Variants in TLR2 observed in about 807,000 individuals in gnomAD.
TLR2 encodes toll like receptor 2, also known as toll-like receptor 2.
TLR2 carries 7 observed loss-of-function variants against 9.1 expected under a neutral mutation model. That is an observed-to-expected ratio of 0.77 (90% CI 0.44 to 1.44). The LOEUF is 1.44. TLR2 is among the 40% of genes most tolerant of loss of function. TLR2 has a pLI of 0.01. For synonymous variants in TLR2, 317 were observed against 344.6 expected (o/e 0.92, Z 0.89); for missense variants, 812 against 904.6 (o/e 0.90, Z 1.31).
chr4:153,708,371 C>A (rs1312555738), downstream of TLR2, among the ~76,000 whole-genome samples: 3 of 152,160 alleles, frequency 2.0e-5, no homozygotes, highest in African/African-American at 7.2e-5. Context: ...AATGTGAAGT[C>A]TTTTATTTGT....
At chr4:153,697,443 GAGAA>G (rs1736582665) in intron 2 of TLR2, among the ~76,000 whole-genome samples, 1 of 152,084 alleles carries the variant, frequency 6.6e-6, no homozygotes, top group Admixed American at 6.6e-5. Context: ...CTTATTAAAA[GAGAA>G]AGAGTTTCTA....
intron 2 of TLR2, chr4:153,688,616 G>A (rs1162378391): frequency 6.5e-6 from 1 of 152,870 alleles, no homozygotes; most frequent in Non-Finnish European, 1.5e-5. Context: ...GAAACAAAGG[G>A]ATAGGCTCTG....
chr4:153,700,555 GT>G (rs965735005), intron 2 of TLR2, among the ~76,000 whole-genome samples: 2 of 152,022 alleles, frequency 1.3e-5, no homozygotes, highest in East Asian at 1.9e-4. Context: ...AGTGGACTTT[GT>G]TTTTTTGAAA....
chr4:153,689,925 C>T (rs1735988276), intron 2 of TLR2, among the ~76,000 whole-genome samples: 1 of 152,188 alleles, frequency 6.6e-6, no homozygotes, highest in Non-Finnish European at 1.5e-5. Context: ...TTGGGTCCTC[C>T]TCAGCATCAG....
At position 153,704,344 on chromosome 4, in the gene TLR2, C is replaced by CA; in HGVS notation, c.1440dup (p.Glu481ArgfsTer8). ...TATTTTCTTTGAATTTGCCGCAACTCAAAGAACTTTATATTTCCAGAAATA... is the reference window on the plus strand; with the variant it reads ...TATTTTCTTTGAATTTGCCGCAACTCAAAAGAACTTTATATTTCCAGAAATA... On this transcript the variant is annotated frameshift_variant, in exon 3 of 3. Coordinates refer to ENST00000642700, the MANE Select transcript of TLR2 (RefSeq NM_001318789.2). LOFTEE classifies it low-confidence loss of function (END_TRUNC). 1 of 1,613,716 alleles carries CA rather than the reference C, an allele frequency of 6.2e-7. No homozygotes were observed. The highest frequency in any genetic ancestry group is 8.5e-7 in the Non-Finnish European group (1 of 1,179,954).
At chr4:153,698,650 A>G (rs1036692252) in intron 2 of TLR2, among the ~76,000 whole-genome samples, 1 of 152,206 alleles carries the variant, frequency 6.6e-6, no homozygotes. Context: ...GGTTTGTCAA[A>G]TCCACAATTT....
At position 153,705,429 on chromosome 4, in the gene TLR2, A is replaced by G. The variant is rs1737273317; in HGVS notation, c.*167A>G. On this transcript the variant is annotated 3_prime_UTR_variant, in exon 3 of 3. Coordinates refer to ENST00000642700, the MANE Select transcript of TLR2 (RefSeq NM_001318789.2). ...CAAATTTTGTCTGGGGTGCTGTTTT[A>G]TAAACATATGCCAGATTTAAAAATT... 5 of 701,636 alleles carry G rather than the reference A, an allele frequency of 7.1e-6. No homozygotes were observed. Among genetic ancestry groups the G allele is most frequent in the Non-Finnish European group, 1.1e-5 (5 of 453,180 alleles). 43.5% of individuals were successfully genotyped at this position (701,636 alleles called of 1,614,324 possible).
rs1427270680 is a variant in TLR2, at chr4:153,705,641, G to C, written c.*379G>C. ...GCATATAACCTGTGTACATTCTCCTGTATACTTTAAATCATCTCTAGATTA... is the reference window on the plus strand; with the variant it reads ...GCATATAACCTGTGTACATTCTCCTCTATACTTTAAATCATCTCTAGATTA... On this transcript the variant is annotated 3_prime_UTR_variant, in exon 3 of 3. Transcript: ENST00000642700. 1 of 172,204 alleles carries C rather than the reference G, an allele frequency of 5.8e-6. No homozygotes were observed. The highest frequency in any genetic ancestry group is 2.4e-5 in the African/African-American group (1 of 41,572). The allele number at this position is 172,204 out of a possible 1,614,324, so 10.7% of individuals were successfully genotyped here. A position where few individuals can be genotyped will look rare whatever the true frequency, so the allele number is the denominator to read the frequency against.
downstream of TLR2, among the ~76,000 whole-genome samples, chr4:153,708,740 C>G (rs1462018358): frequency 1.3e-5 from 2 of 152,058 alleles, no homozygotes; most frequent in African/African-American, 2.4e-5. Flanking sequence ...ATGTTTTCTC[C>G]CCTTTTCAGA....
intron 1 of TLR2, among the ~76,000 whole-genome samples, chr4:153,685,049 C>G (rs1474321228): frequency 6.9e-6 from 1 of 144,076 alleles, no homozygotes; most frequent in Non-Finnish European, 1.5e-5. Flanking sequence ...GGGAAAGGTT[C>G]CGTGCTCTGG....
chr4:153,704,445 C>G lies in TLR2; in HGVS notation c.1538C>G (p.Thr513Arg), dbSNP rs145961078. ...AAAATCAGTAGGAATGCAATAACTA[C>G]GTTTTCTAAGGAGCAACTTGACTCA... is the stretch of plus-strand genomic sequence containing the variant. ...VLKISRNAITTFSKEQLDSFH... is the reference protein window; with the variant it reads ...VLKISRNAITRFSKEQLDSFH... Residue 513 changes from threonine to arginine, a missense_variant, in exon 3 of 3, where the codon ACG becomes AGG. Thr to Arg is a moderately conservative substitution (Grantham distance 71). Transcript: ENST00000642700. 1.2e-6 allele frequency: 2 copies of G among 1,614,028 alleles called. No individual in the cohort carries two copies. Among genetic ancestry groups the G allele is most frequent in the South Asian group, 2.2e-5 (2 of 91,084 alleles).
intron 1 of TLR2, among the ~76,000 whole-genome samples, chr4:153,685,265 G>C (rs1735621709): frequency 6.6e-6 from 1 of 152,150 alleles, no homozygotes; most frequent in Admixed American, 6.5e-5. Flanking sequence ...CTATAAATAT[G>C]AACTTGTGTT....
chr4:153,704,698 T>A lies in TLR2; in HGVS notation c.1791T>A (p.Ala597=), dbSNP rs780487773. ...RTALVSGMCC[A]LFLLILLTGV... is the part of the protein sequence containing the mutation. Reference sequence around the variant, plus strand: ...CACTGGTGTCTGGCATGTGCTGTGCTCTGTTCCTGCTGATCCTGCTCACGG... The same window carrying A: ...CACTGGTGTCTGGCATGTGCTGTGCACTGTTCCTGCTGATCCTGCTCACGG... The change falls in exon 3 of 3, where the codon GCT becomes GCA. Residue 597 remains alanine (A), a synonymous_variant. Coordinates refer to ENST00000642700, the MANE Select transcript of TLR2 (RefSeq NM_001318789.2). The A allele has an allele frequency of 6.8e-6, 11 of 1,613,830 alleles. No homozygotes were observed. In the South Asian group the frequency reaches 1.1e-4, roughly 16 times the overall value.
intron 2 of TLR2, among the ~76,000 whole-genome samples, chr4:153,700,889 AGAT>A (rs1337805413): frequency 1.3e-5 from 2 of 152,198 alleles, no homozygotes; most frequent in East Asian, 1.9e-4. Flanking sequence ...TATTTCCTCA[AGAT>A]GATCTGTAAA....
rs749712374 is a variant in TLR2, at chr4:153,704,503, C to T, written c.1596C>T (p.Gly532=). The T allele has an allele frequency of 9.9e-6, 16 of 1,613,882 alleles. 1 individual carries two copies. The South Asian group carries it at 1.8e-4, about 18-fold the overall frequency. ...CACTGAAGACTTTGGAAGCTGGTGG[C>T]AATAACTTCATTTGCTCCTGTGAAT... is the stretch of plus-strand genomic sequence containing the variant. The part of the protein sequence containing the change: ...FHTLKTLEAG[G]NNFICSCEFL... Residue 532 remains glycine (G), a synonymous_variant, in exon 3 of 3, where the codon GGC becomes GGT. Transcript: ENST00000642700.
At chr4:153,696,896 T>C (rs1250133153) in intron 2 of TLR2, among the ~76,000 whole-genome samples, 1 of 151,890 alleles carries the variant, frequency 6.6e-6, no homozygotes, top group Non-Finnish European at 1.5e-5. Flanking sequence ...TAATATGTGG[T>C]ACTAGAATTA....
At chr4:153,709,642 G>A (rs1560761405), downstream of TLR2, among the ~76,000 whole-genome samples, 3 of 152,178 alleles carry the variant, frequency 2.0e-5, no homozygotes, top group Admixed American at 6.5e-5. Context: ...ATAGGATTTC[G>A]GGTATTGAGA....
At chr4:153,696,714 C>T (rs894332669) in intron 2 of TLR2, among the ~76,000 whole-genome samples, 4 of 152,238 alleles carry the variant, frequency 2.6e-5, no homozygotes, top group Non-Finnish European at 4.4e-5. Context: ...GCTGGTGTGA[C>T]AGTTCACAAT....
downstream of TLR2, among the ~76,000 whole-genome samples, chr4:153,709,800 T>C (rs1234484491): frequency 2.0e-5 from 3 of 152,192 alleles, no homozygotes; most frequent in African/African-American, 4.8e-5. Context: ...TTTTGGCAGC[T>C]CCAGGAAACC....
Sources: allele counts gnomAD v4.1 joint callset (sites outside exome capture counted in the v4.1 genomes callset), GRCh38; gene constraint gnomAD v4.1.1; transcripts MANE v1.5; gene names NCBI Gene and HGNC (gene_info 2026-07-23, HGNC 2026-07-21).